PRSS23: variants seen among roughly 807,000 people sequenced by gnomAD.
PRSS23 encodes the protein protease, serine 23.
In PRSS23, 25 loss-of-function variants were observed where a neutral mutation model predicts 34.7. The ratio of observed to expected loss-of-function variants is 0.72; its 90% CI spans 0.53 to 1.01. PRSS23 has a LOEUF of 1.01. PRSS23 is among the 50% of genes least tolerant of loss of function. PRSS23 has a pLI of 0.00. For missense variants in PRSS23, 445 were observed against 475.6 expected (o/e 0.94, Z 0.60); for synonymous variants, 176 against 186.6 (o/e 0.94, Z 0.46).
chr11:86,807,948 G>T lies in PRSS23; in HGVS notation c.305G>T (p.Gly102Val). The T allele has an allele frequency of 3.1e-6, 5 of 1,614,144 alleles. No individual in the cohort carries two copies. The highest frequency in any genetic ancestry group is 4.2e-6 in the Non-Finnish European group (5 of 1,180,026). ...ANGSRTETQVGIYILSSSGDG... is the reference protein window; with the variant it reads ...ANGSRTETQVVIYILSSSGDG... ...GGCAGCCGCACAGAGACGCAGGTGG[G>T]CATCTACATCCTCAGCAGTAGTGGA... Residue 102 changes from glycine to valine, a missense_variant, in exon 2 of 2, where the codon GGC (glycine) becomes GTC (valine). Coordinates refer to ENST00000280258, the MANE Select transcript of PRSS23 (RefSeq NM_007173.6).
rs927396241 is a variant in PRSS23 at position 86,807,852 on chromosome 11, A to G, written c.209A>G (p.His70Arg). Residue 70 changes from histidine to arginine, a missense_variant, in exon 2 of 2, where the codon CAT becomes CGT. Transcript: ENST00000280258. Reference sequence around the variant, plus strand: ...TCTTCTTCATGTGGACCCCAGTGTCATAAGGGAACTCCACTGCCCACTTAC... The same window carrying G: ...TCTTCTTCATGTGGACCCCAGTGTCGTAAGGGAACTCCACTGCCCACTTAC... ...EVSSSCGPQCHKGTPLPTYEE... is the reference protein window; with the variant it reads ...EVSSSCGPQCRKGTPLPTYEE... 3.1e-6 allele frequency: 5 copies of G among 1,614,018 alleles called. No homozygotes were observed. The highest frequency in any genetic ancestry group is 4.5e-5 in the East Asian group (2 of 44,884).
chr11:86,818,909 T>A (rs879849433), intron 1 of PRSS23, among the ~76,000 whole-genome samples: 1 of 152,232 alleles, frequency 6.6e-6, no homozygotes, highest in African/African-American at 2.4e-5. Context: ...TCTCTTTTTT[T>A]CTTTGTGCTG....
chr11:86,895,589 C>T (rs1008471434), intron 2 of PRSS23, among the ~76,000 whole-genome samples: 1 of 147,824 alleles, frequency 6.8e-6, no homozygotes, highest in Non-Finnish European at 1.5e-5. Context: ...AAGTGATCCT[C>T]CCACCTCAGC....
chr11:86,916,502 G>A (rs1949013688), intron 2 of PRSS23, among the ~76,000 whole-genome samples: 1 of 152,170 alleles, frequency 6.6e-6, no homozygotes, highest in Admixed American at 6.5e-5. Context: ...ACTTTGGGTG[G>A]TTTTGTCTGG....
At chr11:86,850,649 C>T (rs1205689675) in intron 2 of PRSS23, among the ~76,000 whole-genome samples, 1 of 152,198 alleles carries the variant, frequency 6.6e-6, no homozygotes, top group African/African-American at 2.4e-5. Flanking sequence ...TCTCTCCCTT[C>T]CCCCTCCCCT....
intron 2 of PRSS23, among the ~76,000 whole-genome samples, chr11:86,887,858 C>G (rs1289894683): frequency 6.6e-6 from 1 of 152,086 alleles, no homozygotes; most frequent in African/African-American, 2.4e-5. Flanking sequence ...TCGAGACCAG[C>G]CTGCCCAACA....
Position 86,840,579 on chromosome 11 carries a change from G to A in PRSS23, c.206+16986G>A, listed in dbSNP as rs574016785. Among the ~76,000 whole-genome samples the A allele has an allele frequency of 1.0e-3, 154 of 152,248 alleles. 5 individuals are homozygous for A. The South Asian group carries it at 0.018, about 18-fold the overall frequency. On this transcript the variant is annotated intron_variant, in intron 2 of 2. Transcript: ENST00000533902. ...GACAGAAGGTTAACAAGGATATCCA[G>A]GACTTGAACTCACCTCTGGAACAAG...
At chr11:86,821,826 G>C (rs17758400) in intron 1 of PRSS23, 3 of 606,812 alleles carry the variant, frequency 4.9e-6, no homozygotes, top group South Asian at 5.5e-5. Context: ...TAGTGTCAGC[G>C]TCTGGGCCTA....
At chr11:86,944,632 T>C (rs139882812) in intron 2 of PRSS23, among the ~76,000 whole-genome samples, 4 of 152,336 alleles carry the variant, frequency 2.6e-5, no homozygotes, top group African/African-American at 2.4e-5. Context: ...AATGAAATCA[T>C]GTAAATGGAA....
upstream of PRSS23, among the ~76,000 whole-genome samples, chr11:86,796,005 A>C (rs549538066): frequency 2.6e-5 from 4 of 152,328 alleles, no homozygotes; most frequent in Admixed American, 6.5e-5. Flanking sequence ...GCTTCCAAGT[A>C]TCATTCAGTC....
At position 86,854,356 on chromosome 11, in the gene PRSS23, T is replaced by A. The variant is rs567895267; in HGVS notation, c.206+30763T>A. On this transcript the variant is annotated intron_variant, in intron 2 of 2. Transcript: ENST00000533902. ...AGTCTTCTGACCATTGTTAATGGGA[T>A]GCCTTGGGTTTCCTGTTGTTTACTT... Among the ~76,000 whole-genome samples the A allele has an allele frequency of 2.0e-5, 3 of 152,216 alleles. No individual in the cohort carries two copies. In the South Asian group the frequency reaches 6.2e-4, roughly 32 times the overall value.
intron 2 of PRSS23, among the ~76,000 whole-genome samples, chr11:86,823,841 C>T (rs2134877157): frequency 6.6e-6 from 1 of 151,548 alleles, no homozygotes; most frequent in South Asian, 2.1e-4. Context: ...CCCGTCTCTA[C>T]TAAAAATACA....
chr11:86,918,396 T>G (rs1949027518), intron 2 of PRSS23, among the ~76,000 whole-genome samples: 1 of 152,214 alleles, frequency 6.6e-6, no homozygotes, highest in African/African-American at 2.4e-5. Flanking sequence ...TATAATTGCA[T>G]TATTGTCTAT....
chr11:86,826,818 G>A (rs547178499), intron 2 of PRSS23, among the ~76,000 whole-genome samples: 6 of 152,164 alleles, frequency 3.9e-5, no homozygotes, highest in South Asian at 2.1e-4. Flanking sequence ...TATACTGAAC[G>A]AGCCTTGCAT....
intron 2 of PRSS23, among the ~76,000 whole-genome samples, chr11:86,892,979 C>A (rs1388246841): frequency 6.6e-6 from 1 of 152,104 alleles, no homozygotes; most frequent in Admixed American, 6.5e-5. Context: ...GAAATAGGGT[C>A]TTTGCAGATA....
In PRSS23 at chr11:86,888,861, T is replaced by G. The variant is rs935681024; in HGVS notation, c.207-62355T>G. Among the ~76,000 whole-genome samples, 6 of 152,234 alleles carry G rather than the reference T, an allele frequency of 3.9e-5. No individual in the cohort carries two copies. In the East Asian group the frequency reaches 1.2e-3, roughly 29 times the overall value. The stretch of plus-strand genomic sequence containing the variant: ...GATCCAACTGAATTGCTTCAAAAGT[T>G]TTCTGGTTCCTAGCGCTGCCTAGCA... On this transcript the variant is annotated intron_variant, in intron 2 of 2. Coordinates refer to the PRSS23 transcript ENST00000533902.
At chr11:86,811,254 G>A (rs1389021552), downstream of PRSS23, 1 of 166,392 alleles carries the variant, frequency 6.0e-6, no homozygotes, top group Non-Finnish European at 1.5e-5. Flanking sequence ...CTCATATAAT[G>A]CCTATAAGCA....
At chr11:86,828,421 A>T (rs1287514406) in intron 2 of PRSS23, among the ~76,000 whole-genome samples, 3 of 152,170 alleles carry the variant, frequency 2.0e-5, no homozygotes, top group Non-Finnish European at 4.4e-5. Context: ...TGAATACAGC[A>T]CACTGGTGGG....
chr11:86,951,577 A>T (rs989540388), exon 3 of PRSS23: 1 of 1,613,976 alleles, frequency 6.2e-7, no homozygotes, highest in African/African-American at 1.3e-5. Context: ...TAAAGAGGGG[A>T]GCCACCACGA....
Sources: gnomAD v4.1 joint callset for allele counts (sites outside exome capture counted in the v4.1 genomes callset) on GRCh38, gnomAD v4.1.1 for gene constraint, MANE v1.5 for transcripts, NCBI Gene and HGNC (gene_info 2026-07-23, HGNC 2026-07-21) for gene names.